Variants in OLFML2A observed in about 807,000 individuals in gnomAD.
OLFML2A encodes olfactomedin-like protein 2A.
In OLFML2A, 47 loss-of-function variants were observed where a neutral mutation model predicts 60.9. The ratio of observed to expected loss-of-function variants is 0.77; its 90% CI spans 0.61 to 0.98. The LOEUF (loss-of-function observed/expected upper bound fraction) is 0.98, where lower values mean the gene tolerates loss of function less well. Among genes scored for constraint, OLFML2A ranks in the 50% least tolerant of loss-of-function variants. OLFML2A has a pLI of 0.00. For missense variants in OLFML2A, 922 were observed against 879.8 expected (o/e 1.05, Z -0.61); for synonymous variants, 372 against 375.0 (o/e 0.99, Z 0.09).
chr9:124,810,248 G>A lies in OLFML2A; in HGVS notation c.1795G>A (p.Ala599Thr), dbSNP rs781545777. 20 of 1,612,720 alleles carry A rather than the reference G, an allele frequency of 1.2e-5. No individual in the cohort carries two copies. Among genetic ancestry groups the A allele is most frequent in the African/African-American group, 4.0e-5 (3 of 74,914 alleles). Reference protein sequence around the residue: ...DTYNQQEGQVAYAFDTHTGTD... With the variant: ...DTYNQQEGQVTYAFDTHTGTD... The stretch of plus-strand genomic sequence containing the variant: ...GTACAACCAGCAGGAAGGCCAGGTC[G>A]CCTACGCTTTCGACACGCACACGGG... The change falls in exon 8 of 8, where the codon GCC becomes ACC. Residue 599 changes from alanine (A) to threonine (T), a missense_variant. By Grantham distance (58) the Ala-to-Thr change is moderately conservative. Transcript: ENST00000373580.
Position 124,810,080 on chromosome 9 carries a change from G to A in OLFML2A, c.1627G>A (p.Ala543Thr), listed in dbSNP as rs1207656589. Residue 543 changes from alanine to threonine, a missense_variant, in exon 8 of 8, where the codon GCC becomes ACC. By Grantham distance (58) the Ala-to-Thr change is moderately conservative. Transcript: ENST00000373580. Reference protein sequence around the residue: ...IYPAVDDRDEAQPEVIVLSRL... With the variant: ...IYPAVDDRDETQPEVIVLSRL... The stretch of plus-strand genomic sequence containing the variant: ...CCCCGCCGTGGACGACCGCGATGAG[G>A]CCCAGCCCGAGGTGATCGTCCTGAG... 1.2e-6 allele frequency: 2 copies of A among 1,613,724 alleles called. No homozygotes were observed. The highest frequency in any genetic ancestry group is 2.7e-5 in the African/African-American group (2 of 74,934).
intron 5 of OLFML2A, 103 bp downstream of exon 5, chr9:124,801,766 C>A: frequency 1.6e-6 from 2 of 1,240,250 alleles, no homozygotes; most frequent in South Asian, 1.5e-5. Flanking sequence ...TCAGTTCCAC[C>A]CATTGATTAC....
intron 3 of OLFML2A, among the ~76,000 whole-genome samples, 191 bp from the exon 4 acceptor site, chr9:124,799,094 A>G (rs1190298139): frequency 6.6e-6 from 1 of 152,132 alleles, no homozygotes; most frequent in East Asian, 1.9e-4. Context: ...TTCACTTTTT[A>G]AATTTAAAAA....
chr9:124,801,668 GTA>G lies in OLFML2A; in HGVS notation c.919+6_919+7del, dbSNP rs764755284. On this transcript the variant is annotated splice_donor_region_variant and intron_variant, in intron 5 of 7. Coordinates refer to ENST00000373580, the MANE Select transcript of OLFML2A (RefSeq NM_182487.4). ...AGGTGACCGAGGCGGTGGCAGGTGA[GTA>G]GGAGGGGAATGGGGACCCTGGGGAG... 3.1e-6 allele frequency: 5 copies of G among 1,611,812 alleles called. No individual in the cohort carries two copies. The highest frequency in any genetic ancestry group is 1.7e-5 in the Admixed American group (1 of 59,982).
At chr9:124,785,107 C>A (rs1202799974) in intron 1 of OLFML2A, among the ~76,000 whole-genome samples, 1 of 151,418 alleles carries the variant, frequency 6.6e-6, no homozygotes, top group African/African-American at 2.4e-5. Context: ...GCATGTGCCA[C>A]CATGCCCACC....
At position 124,804,302 on chromosome 9, in the gene OLFML2A, G is replaced by A; in HGVS notation, c.1128G>A (p.Leu376=). The stretch of plus-strand genomic sequence containing the variant: ...CCCCAACCCCCACCACCAGTCTCCT[G>A]CCCACCGAGCCACCTTCAGGTCCAG... ...TTTPTPTTSL[L]PTEPPSGPEV... is the part of the protein sequence containing the mutation. The change falls in exon 6 of 8, where the codon CTG becomes CTA. Residue 376 remains leucine (L), a synonymous_variant. Coordinates refer to ENST00000373580, the MANE Select transcript of OLFML2A (RefSeq NM_182487.4). 6.6e-7 allele frequency: 1 copy of A among 1,513,454 alleles called. No homozygotes were observed. The highest frequency in any genetic ancestry group is 1.6e-5 in the African/African-American group (1 of 62,876). 93.8% of individuals were successfully genotyped at this position (1,513,454 alleles called of 1,614,324 possible). A position where few individuals can be genotyped will look rare whatever the true frequency, so the allele number is the denominator to read the frequency against.
chr9:124,794,897 C>G, intron 2 of OLFML2A, 127 bp from the exon 3 acceptor site: 1 of 576,774 alleles, frequency 1.7e-6, no homozygotes, highest in South Asian at 2.2e-5. Flanking sequence ...GCTGGGATTA[C>G]AGGCGTGAGC....
chr9:124,778,043 G>A (rs1841290029), intron 1 of OLFML2A, among the ~76,000 whole-genome samples: 1 of 152,200 alleles, frequency 6.6e-6, no homozygotes, highest in Non-Finnish European at 1.5e-5. Flanking sequence ...GTCTCTAGAT[G>A]CGGTGTGGTC....
At position 124,777,441 on chromosome 9, in the gene OLFML2A, G is replaced by T; in HGVS notation, c.90+81G>T. ...GCTGTGGCTGGGGTGCGGCCCGGGA[G>T]GGAGCCCGGGGCCAGGGCGGAGGAG... On this transcript the variant is annotated intron_variant, in intron 1 of 7. Coordinates refer to ENST00000373580, the MANE Select transcript of OLFML2A (RefSeq NM_182487.4). This position sits in a 1 kb window ranked among gnomAD's most constrained non-coding sequence, Gnocchi z 6.2. 1 of 1,195,056 alleles carries T rather than the reference G, an allele frequency of 8.4e-7. No individual in the cohort carries two copies. Among genetic ancestry groups the T allele is most frequent in the South Asian group, 4.1e-5 (1 of 24,510 alleles). The allele number at this position is 1,195,056 out of a possible 1,614,324, so 74.0% of individuals were successfully genotyped here.
At chr9:124,786,708 A>G (rs1037608696) in intron 1 of OLFML2A, among the ~76,000 whole-genome samples, 66 of 150,024 alleles carry the variant, frequency 4.4e-4, no homozygotes, top group Non-Finnish European at 3.1e-4. Context: ...GCGACAGAGC[A>G]AGACTCCGTC....
Position 124,786,923 on chromosome 9 carries a change from A to G in OLFML2A, c.91-52A>G, listed in dbSNP as rs1841484475. 12 of 1,563,472 alleles carry G rather than the reference A, an allele frequency of 7.7e-6. No homozygotes were observed. The East Asian group carries it at 2.0e-4, about 27-fold the overall frequency. ...TGCCATCTCTCCCTTCCTCCCTGCCATAGCACTGCCTAGCAGCAACTCACT... is the reference window on the plus strand; with the variant it reads ...TGCCATCTCTCCCTTCCTCCCTGCCGTAGCACTGCCTAGCAGCAACTCACT... On this transcript the variant is annotated intron_variant, in intron 1 of 7. Transcript: ENST00000373580.
chr9:124,810,546 C>A lies in OLFML2A; in HGVS notation c.*134C>A. 1 of 866,816 alleles carries A rather than the reference C, an allele frequency of 1.2e-6. No homozygotes were observed. The highest frequency in any genetic ancestry group is 1.7e-6 in the Non-Finnish European group (1 of 579,896). 53.7% of individuals were successfully genotyped at this position (866,816 alleles called of 1,614,324 possible). ...CTGGGACTGGGCATGAGGTGGTCACCAGGATTGAGCTTCCTCAGCACCCAG... is the reference window on the plus strand; with the variant it reads ...CTGGGACTGGGCATGAGGTGGTCACAAGGATTGAGCTTCCTCAGCACCCAG... On this transcript the variant is annotated 3_prime_UTR_variant, in exon 8 of 8. Transcript: ENST00000373580.
intron 6 of OLFML2A, among the ~76,000 whole-genome samples, chr9:124,805,877 G>A (rs984734707): frequency 2.4e-5 from 3 of 125,094 alleles, no homozygotes; most frequent in Non-Finnish European, 3.1e-5. Context: ...GTGCAGTAGC[G>A]TGATCTCAGC....
chr9:124,796,781 G>A (rs535190624), intron 3 of OLFML2A, among the ~76,000 whole-genome samples: 1 of 152,176 alleles, frequency 6.6e-6, no homozygotes, highest in Non-Finnish European at 1.5e-5. Flanking sequence ...GGGAAAGCTG[G>A]CAATAGCTGG....
chr9:124,788,465 G>A lies in OLFML2A; in HGVS notation c.354+1227G>A, dbSNP rs192119826. On this transcript the variant is annotated intron_variant, in intron 2 of 7. Transcript: ENST00000373580. ...TACTAAAAATACAAAAATTAACCCCGCATGGTGGTGCGCATCTGTAATCCC... is the reference window on the plus strand; with the variant it reads ...TACTAAAAATACAAAAATTAACCCCACATGGTGGTGCGCATCTGTAATCCC... Among the ~76,000 whole-genome samples, 85 of 151,994 alleles carry A rather than the reference G, an allele frequency of 5.6e-4. 1 individual carries two copies. The highest frequency in any genetic ancestry group is 3.2e-4 in the Non-Finnish European group (22 of 67,988).
At chr9:124,803,068 C>A (rs1029860883) in intron 5 of OLFML2A, among the ~76,000 whole-genome samples, 6 of 152,088 alleles carry the variant, frequency 3.9e-5, no homozygotes, top group Non-Finnish European at 7.4e-5. Context: ...GCCACCATGC[C>A]CGACTAATTT....
chr9:124,794,353 C>T (rs555355646), intron 2 of OLFML2A, among the ~76,000 whole-genome samples: 3 of 152,214 alleles, frequency 2.0e-5, no homozygotes, highest in Non-Finnish European at 4.4e-5. Context: ...AAGCCAGGGA[C>T]GGGCACAAAA....
At chr9:124,795,197 A>T (rs1841647262) in intron 3 of OLFML2A, 66 bp downstream of exon 3, 1 of 962,844 alleles carries the variant, frequency 1.0e-6, no homozygotes, top group Non-Finnish European at 1.6e-6. Context: ...CACTGTCCGA[A>T]GGGGCCCCGG....
chr9:124,804,480 T>C, intron 6 of OLFML2A, 138 bp downstream of exon 6: 2 of 842,476 alleles, frequency 2.4e-6, no homozygotes, highest in Non-Finnish European at 3.6e-6. Context: ...CACCAGCACT[T>C]TGGGAGGCCA....
Sources: allele counts gnomAD v4.1 joint callset (sites outside exome capture counted in the v4.1 genomes callset), GRCh38; gene constraint gnomAD v4.1.1; non-coding constraint Gnocchi (gnomAD v3.1); transcripts MANE v1.5; gene names NCBI Gene and HGNC (gene_info 2026-07-23, HGNC 2026-07-21).